Variants in KHDRBS2 observed in about 807,000 individuals in gnomAD.
KHDRBS2 encodes KH domain-containing, RNA-binding, signal transduction-associated protein 2.
A neutral mutation model predicts 44.3 loss-of-function variants in KHDRBS2; 26 were observed. The observed-to-expected ratio is 0.59, with a 90% CI of 0.43 to 0.81. The LOEUF (loss-of-function observed/expected upper bound fraction) is 0.81, where lower values mean the gene tolerates loss of function less well. Ranked by LOEUF, KHDRBS2 falls within the 40% of genes least tolerant of loss-of-function variation. The pLI, the probability that KHDRBS2 is intolerant of heterozygous loss-of-function variation, is 0.00. For synonymous variants in KHDRBS2, 194 were observed against 151.1 expected, an observed-to-expected ratio of 1.28 and a Z score of -2.08; for missense variants, 476 against 433.1, an observed-to-expected ratio of 1.10 and a Z score of -0.88.
chr6:61,644,019 A>G, the KHDRBS2 span, among the ~76,000 whole-genome samples: 44 of 152,308 alleles, frequency 2.9e-4, no homozygotes, highest in Non-Finnish European at 5.0e-4. Context: ...CAAAAAGAAC[A>G]AAGCTGGGGG....
chr6:61,779,916 T>A (rs1192074), intron 6 of KHDRBS2, among the ~76,000 whole-genome samples: 98,946 of 151,842 alleles, frequency 0.65, 32,901 homozygotes, highest in African/African-American at 0.79. Flanking sequence ...CATGGATGGA[T>A]CCCAATTTCA....
Position 61,983,748 on chromosome 6 carries a change from A to G in KHDRBS2, c.337-5536T>C, listed in dbSNP as rs557224170. Among the ~76,000 whole-genome samples the G allele has an allele frequency of 3.9e-5, 6 of 152,320 alleles. No individual in the cohort carries two copies. In the East Asian group the frequency reaches 1.2e-3, roughly 29 times the overall value. ...TAATCAAGCCAAATCAAATGTAATC[A>G]GGACTTGTTTTGCAAACAAGAATAA... On this transcript the variant is annotated intron_variant, in intron 3 of 8. Transcript: ENST00000281156.
chr6:62,183,573 T>C (rs1014165701), intron 1 of KHDRBS2, among the ~76,000 whole-genome samples: 6 of 151,652 alleles, frequency 4.0e-5, no homozygotes, highest in Admixed American at 1.3e-4. Context: ...AAGAAGTTTC[T>C]AGTTCTATGG....
chr6:61,634,016 A>G, the KHDRBS2 span, among the ~76,000 whole-genome samples: 1 of 152,084 alleles, frequency 6.6e-6, no homozygotes, highest in African/African-American at 2.4e-5. Flanking sequence ...GGACAATGGC[A>G]GAGACGTCAT....
intron 1 of KHDRBS2, among the ~76,000 whole-genome samples, chr6:62,208,368 T>TCCCAAGTA (rs1473970275): frequency 1.3e-5 from 2 of 152,168 alleles, no homozygotes; most frequent in Non-Finnish European, 2.9e-5. Context: ...TAGCTGGGAC[T>TCCCAAGTA]ACAGGGCACA....
chr6:61,717,691 C>T (rs1484102994), intron 7 of KHDRBS2, among the ~76,000 whole-genome samples: 1 of 152,044 alleles, frequency 6.6e-6, no homozygotes, highest in Non-Finnish European at 1.5e-5. Context: ...CTTTAGTTTT[C>T]ATTAGAGGGA....
chr6:62,187,613 T>A (rs1011846302), intron 1 of KHDRBS2, among the ~76,000 whole-genome samples: 3 of 152,184 alleles, frequency 2.0e-5, no homozygotes, highest in Non-Finnish European at 4.4e-5. Context: ...CATGACTCCA[T>A]CACTGCAATT....
chr6:61,890,705 T>C (rs1801689978), intron 6 of KHDRBS2, among the ~76,000 whole-genome samples: 2 of 152,222 alleles, frequency 1.3e-5, no homozygotes, highest in African/African-American at 4.8e-5. Flanking sequence ...TTGTGGATTT[T>C]TAATTCATTT....
chr6:61,950,936 G>T (rs963170611), intron 4 of KHDRBS2, among the ~76,000 whole-genome samples: 1 of 152,014 alleles, frequency 6.6e-6, no homozygotes, highest in Non-Finnish European at 1.5e-5. Flanking sequence ...GATGATGGAA[G>T]TAACAAATAT....
chr6:62,118,229 T>G (rs1806751996), intron 2 of KHDRBS2, among the ~76,000 whole-genome samples: 2 of 152,198 alleles, frequency 1.3e-5, no homozygotes, highest in Non-Finnish European at 2.9e-5. Context: ...ATTTCTAGGT[T>G]CTCTATTCTG....
chr6:61,878,399 T>C (rs1799744134), intron 6 of KHDRBS2, among the ~76,000 whole-genome samples: 1 of 152,074 alleles, frequency 6.6e-6, no homozygotes, highest in South Asian at 2.1e-4. Context: ...TGTTCACTTA[T>C]AGTCCAGGTA....
the KHDRBS2 span, among the ~76,000 whole-genome samples, chr6:61,660,315 T>G: frequency 2.0e-5 from 3 of 151,780 alleles, no homozygotes; most frequent in Non-Finnish European, 4.4e-5. Context: ...CAAACTCCTC[T>G]GAGACAAAAT....
the KHDRBS2 span, among the ~76,000 whole-genome samples, chr6:61,582,404 T>C: frequency 0.015 from 2,182 of 145,448 alleles, 21 homozygotes; most frequent in Admixed American, 0.023. Context: ...CAGAAAACTA[T>C]AAAAATTCCT....
At chr6:61,561,679 G>T in the KHDRBS2 span, among the ~76,000 whole-genome samples, 1 of 152,138 alleles carries the variant, frequency 6.6e-6, no homozygotes, top group South Asian at 2.1e-4. Context: ...TTCACTTAAG[G>T]CCAAAAGACT....
intron 2 of KHDRBS2, among the ~76,000 whole-genome samples, chr6:62,148,632 A>G (rs778202572): frequency 6.6e-6 from 1 of 152,012 alleles, no homozygotes; most frequent in Non-Finnish European, 1.5e-5. Context: ...ACAACAAATG[A>G]AAAACAAGCC....
At chr6:62,017,612 A>G (rs1270849836) in intron 3 of KHDRBS2, among the ~76,000 whole-genome samples, 1 of 152,138 alleles carries the variant, frequency 6.6e-6, no homozygotes, top group African/African-American at 2.4e-5. Flanking sequence ...CATAAATTAA[A>G]TAACAAAATG....
At chr6:61,693,092 A>T (rs1253521392) in intron 8 of KHDRBS2, among the ~76,000 whole-genome samples, 2 of 152,112 alleles carry the variant, frequency 1.3e-5, no homozygotes, top group Non-Finnish European at 2.9e-5. Context: ...ATTGATTTAA[A>T]ATATTGTGTA....
At chr6:61,931,698 T>C (rs1478770464) in intron 4 of KHDRBS2, among the ~76,000 whole-genome samples, 1 of 152,172 alleles carries the variant, frequency 6.6e-6, no homozygotes, top group Non-Finnish European at 1.5e-5. Flanking sequence ...TGAAGTACAG[T>C]TACCCTTGAA....
chr6:61,578,746 G>A, the KHDRBS2 span, among the ~76,000 whole-genome samples: 1 of 152,164 alleles, frequency 6.6e-6, no homozygotes, highest in Non-Finnish European at 1.5e-5. Flanking sequence ...TGCTTGGACA[G>A]TGAAACTATC....
Sources: allele counts gnomAD v4.1 joint callset (sites outside exome capture counted in the v4.1 genomes callset), GRCh38; gene constraint gnomAD v4.1.1; transcripts MANE v1.5; gene names NCBI Gene and HGNC (gene_info 2026-07-23, HGNC 2026-07-21).